Variants in PARD3B observed in about 807,000 individuals in gnomAD.
The protein encoded by PARD3B is partitioning defective 3 homolog B.
PARD3B carries 103 observed loss-of-function variants against 130.2 expected under a neutral mutation model. The observed-to-expected ratio is 0.79, with a 90% CI of 0.67 to 0.93. PARD3B has a LOEUF of 0.93. PARD3B is among the 40% of genes least tolerant of loss of function. PARD3B has a pLI of 0.00. For missense variants in PARD3B, 1,609 were observed against 1,499.2 expected (o/e 1.07, Z -1.21); for synonymous variants, 583 against 553.2 (o/e 1.05, Z -0.76).
intron 16 of PARD3B, among the ~76,000 whole-genome samples, chr2:205,264,144 T>C (rs2040416823): frequency 6.6e-6 from 1 of 151,028 alleles, no homozygotes; most frequent in South Asian, 2.1e-4. Flanking sequence ...GGTCAAGTTA[T>C]GAGAATGAAA....
chr2:205,359,535 G>A (rs2044313755), intron 18 of PARD3B, among the ~76,000 whole-genome samples: 1 of 152,074 alleles, frequency 6.6e-6, no homozygotes, highest in Non-Finnish European at 1.5e-5. Flanking sequence ...CTCTTTCCCT[G>A]TTTGATTTTC....
intron 14 of PARD3B, among the ~76,000 whole-genome samples, chr2:205,191,525 A>G (rs1306649280): frequency 6.6e-6 from 1 of 152,186 alleles, no homozygotes; most frequent in Non-Finnish European, 1.5e-5. Context: ...AGGTAATGGG[A>G]AAAACTCAGA....
At chr2:205,340,322 C>G (rs926863183) in intron 18 of PARD3B, among the ~76,000 whole-genome samples, 1 of 152,040 alleles carries the variant, frequency 6.6e-6, no homozygotes, top group Non-Finnish European at 1.5e-5. Context: ...AAAGAAAAAG[C>G]TGGAGGCATC....
chr2:204,881,845 T>A (rs985649913), intron 2 of PARD3B, among the ~76,000 whole-genome samples: 1 of 152,240 alleles, frequency 6.6e-6, no homozygotes, highest in Non-Finnish European at 1.5e-5. Flanking sequence ...CCTCTTTTTC[T>A]ATCTGAGAGC....
intron 4 of PARD3B, among the ~76,000 whole-genome samples, chr2:205,066,303 C>T (rs192101198): frequency 2.0e-5 from 3 of 152,262 alleles, no homozygotes; most frequent in South Asian, 4.1e-4. Flanking sequence ...ACATCAAACA[C>T]GAAGAGAAAT....
intron 1 of PARD3B, among the ~76,000 whole-genome samples, chr2:204,680,185 A>G (rs921050886): frequency 3.3e-5 from 5 of 152,120 alleles, no homozygotes; most frequent in Middle Eastern, 3.4e-3. Flanking sequence ...CTGTGATGTC[A>G]TCTGAGCTTG....
intron 20 of PARD3B, among the ~76,000 whole-genome samples, chr2:205,454,861 A>G (rs1312069842): frequency 6.6e-6 from 1 of 152,172 alleles, no homozygotes; most frequent in Non-Finnish European, 1.5e-5. Flanking sequence ...AGGTGTAGTC[A>G]CATCTTACAG....
intron 1 of PARD3B, among the ~76,000 whole-genome samples, chr2:204,674,755 C>T (rs1182688995): frequency 1.3e-5 from 2 of 152,144 alleles, no homozygotes; most frequent in African/African-American, 4.8e-5. Flanking sequence ...CTGTAAAATG[C>T]TTTAAACCTT....
At chr2:204,566,354 G>A (rs1374465672) in intron 1 of PARD3B, among the ~76,000 whole-genome samples, 1 of 152,160 alleles carries the variant, frequency 6.6e-6, no homozygotes, top group African/African-American at 2.4e-5. Context: ...TTAGGAAATG[G>A]CACTGCCATG....
chr2:205,413,296 G>C (rs552843862), intron 19 of PARD3B, among the ~76,000 whole-genome samples: 23 of 152,030 alleles, frequency 1.5e-4, no homozygotes, highest in Admixed American at 2.6e-4. Context: ...TTATTTTTCT[G>C]CATGGAATCG....
rs147918128 is a variant in PARD3B, at chr2:204,786,733, G to A, written c.222+100451G>A. ...TTTAGTGAGCGAATAACAAAACACCGTATCTAAAACAAGAGTCATTTCAGA... is the reference window on the plus strand; with the variant it reads ...TTTAGTGAGCGAATAACAAAACACCATATCTAAAACAAGAGTCATTTCAGA... On this transcript the variant is annotated intron_variant, in intron 2 of 22. Transcript: ENST00000406610. Among the ~76,000 whole-genome samples the A allele has an allele frequency of 1.6e-4, 24 of 150,670 alleles. No homozygotes were observed. In the East Asian group the frequency reaches 2.6e-3, roughly 16 times the overall value.
At chr2:204,981,161 G>C (rs1017720890) in intron 3 of PARD3B, among the ~76,000 whole-genome samples, 2 of 152,122 alleles carry the variant, frequency 1.3e-5, no homozygotes, top group African/African-American at 4.8e-5. Context: ...AACTGTTTGA[G>C]TATCCACTGA....
chr2:204,663,333 A>G (rs769751979), intron 1 of PARD3B, among the ~76,000 whole-genome samples: 1 of 152,168 alleles, frequency 6.6e-6, no homozygotes, highest in Admixed American at 6.5e-5. Context: ...TTTTAGTGCC[A>G]TGACAGTGAG....
intron 2 of PARD3B, among the ~76,000 whole-genome samples, chr2:204,702,256 A>G (rs1164116309): frequency 6.7e-6 from 1 of 148,998 alleles, no homozygotes; most frequent in East Asian, 1.9e-4. Flanking sequence ...TTGGCTATGT[A>G]CCCAATAGTG....
intron 1 of PARD3B, among the ~76,000 whole-genome samples, chr2:204,605,989 A>G (rs749183258): frequency 6.6e-6 from 1 of 151,776 alleles, no homozygotes; most frequent in South Asian, 2.1e-4. Context: ...TACTCGTGCT[A>G]TTGCTTCTCA....
intron 1 of PARD3B, among the ~76,000 whole-genome samples, chr2:204,573,793 C>G (rs907071368): frequency 2.6e-5 from 4 of 152,204 alleles, no homozygotes; most frequent in Admixed American, 6.5e-5. Flanking sequence ...TTGTCAGAGT[C>G]TACAGCTCAG....
intron 20 of PARD3B, among the ~76,000 whole-genome samples, chr2:205,492,283 G>A (rs138088757): frequency 1.7e-3 from 266 of 152,164 alleles, no homozygotes; most frequent in Non-Finnish European, 3.2e-3. Context: ...ACATTTGGAA[G>A]GTTTGTGTTG....
At chr2:205,577,151 C>G (rs1244799271) in intron 22 of PARD3B, among the ~76,000 whole-genome samples, 1 of 152,138 alleles carries the variant, frequency 6.6e-6, no homozygotes, top group Non-Finnish European at 1.5e-5. Context: ...TCTTCTGCAA[C>G]CTTGCTATAA....
chr2:204,997,503 T>A (rs964796691), intron 3 of PARD3B, among the ~76,000 whole-genome samples: 2 of 151,724 alleles, frequency 1.3e-5, no homozygotes, highest in African/African-American at 4.9e-5. Flanking sequence ...TTTGATGCTA[T>A]TATAAAGAAA....
Sources: gnomAD v4.1 joint callset for allele counts (sites outside exome capture counted in the v4.1 genomes callset) on GRCh38, gnomAD v4.1.1 for gene constraint, MANE v1.5 for transcripts, NCBI Gene and HGNC (gene_info 2026-07-23, HGNC 2026-07-21) for gene names.